Variants in GPC3 observed in about 807,000 individuals in gnomAD.
GPC3 encodes glypican-3.
Under a neutral mutation model 34.4 loss-of-function variants are expected in GPC3, and 3 were observed. That is an observed-to-expected ratio of 0.09 (90% confidence interval 0.04 to 0.23). The LOEUF (loss-of-function observed/expected upper bound fraction) is 0.23, where lower values mean the gene tolerates loss of function less well. GPC3 is among the 10% of genes least tolerant of loss of function. The pLI, the probability that GPC3 is intolerant of heterozygous loss-of-function variation, is 1.00. For synonymous variants in GPC3, 177 were observed against 174.0 expected (o/e 1.02, Z -0.13); for missense variants, 351 against 445.6 (o/e 0.79, Z 1.91).
chrX:133,875,095 C>T (rs2076009703), intron 2 of GPC3, among the ~76,000 whole-genome samples: 1 of 111,887 alleles, frequency 8.9e-6, no homozygotes, highest in Non-Finnish European at 1.9e-5. Context: ...GAAATGCACA[C>T]TACATCATTT....
At chrX:133,863,687 C>T (rs1461176241) in intron 2 of GPC3, among the ~76,000 whole-genome samples, 7 of 77,865 alleles carry the variant, frequency 9.0e-5, no homozygotes, top group African/African-American at 4.8e-4. Flanking sequence ...CTCGCTCTGT[C>T]GCCCAGGTCG....
intron 2 of GPC3, among the ~76,000 whole-genome samples, chrX:133,791,000 T>G (rs1366845033): frequency 9.0e-6 from 1 of 111,711 alleles, no homozygotes; most frequent in Non-Finnish European, 1.9e-5. Flanking sequence ...TGGTCTACCA[T>G]GTGGATGAGG....
In GPC3 at chrX:133,875,977, T is replaced by C. The variant is rs181840420; in HGVS notation, c.337+77073A>G. ...TATAAGTGCCTTGATTAAAAAAAAT[T>C]GTCATTTCCTGAAACACTGAAAAAC... On this transcript the variant is annotated intron_variant, in intron 2 of 7. Transcript: ENST00000370818. Among the ~76,000 whole-genome samples the C allele has an allele frequency of 4.0e-3, 452 of 111,750 alleles. 5 individuals carry two copies. The highest frequency in any genetic ancestry group is 4.0e-3 in the Non-Finnish European group (212 of 53,120).
At chrX:133,745,073 A>T (rs1416267088) in intron 3 of GPC3, among the ~76,000 whole-genome samples, 1 of 111,440 alleles carries the variant, frequency 9.0e-6, no homozygotes, top group Non-Finnish European at 1.9e-5. Flanking sequence ...TAACAGGTTG[A>T]TGGGTGCAGC....
At chrX:133,692,092 G>A (rs977691542) in intron 5 of GPC3, among the ~76,000 whole-genome samples, 3 of 112,340 alleles carry the variant, frequency 2.7e-5, no homozygotes, top group Non-Finnish European at 5.6e-5. Flanking sequence ...GGGACTACAG[G>A]CTTGCGCCAT....
chrX:133,688,998 T>C (rs1439192728), intron 5 of GPC3, among the ~76,000 whole-genome samples: 2 of 110,848 alleles, frequency 1.8e-5, no homozygotes, highest in Non-Finnish European at 3.8e-5. Context: ...AGGTCAGTAA[T>C]ACAAGTACAA....
intron 3 of GPC3, among the ~76,000 whole-genome samples, chrX:133,738,027 G>A (rs887962938): frequency 9.0e-6 from 1 of 111,588 alleles, no homozygotes; most frequent in African/African-American, 3.3e-5. Context: ...ACAGTGGTGT[G>A]ATCACAATTC....
chrX:133,692,748 T>G (rs2071076903), intron 4 of GPC3, among the ~76,000 whole-genome samples: 4 of 112,347 alleles, frequency 3.6e-5, no homozygotes, highest in African/African-American at 1.3e-4. Context: ...CCAACATTCA[T>G]TTTCTAAGAC....
chrX:133,855,549 A>ATATATAT (rs1569445704), intron 2 of GPC3, among the ~76,000 whole-genome samples: 1 of 105,918 alleles, frequency 9.4e-6, no homozygotes, highest in Non-Finnish European at 1.9e-5. Flanking sequence ...ATATATATAT[A>ATATATAT]GTAAAATGGT....
intron 2 of GPC3, among the ~76,000 whole-genome samples, chrX:133,880,964 CAA>C: frequency 8.9e-6 from 1 of 111,896 alleles, no homozygotes; most frequent in South Asian, 3.8e-4. Context: ...AAAAACCCAG[CAA>C]AGTTACTTGT....
intron 7 of GPC3, among the ~76,000 whole-genome samples, chrX:133,576,839 G>A (rs985401023): frequency 2.7e-5 from 3 of 109,615 alleles, no homozygotes; most frequent in South Asian, 4.0e-4. Context: ...GTATTGGCAG[G>A]CTTCAGGACA....
chrX:133,713,546 T>G (rs1265898217), intron 3 of GPC3, among the ~76,000 whole-genome samples: 1 of 112,531 alleles, frequency 8.9e-6, no homozygotes, highest in East Asian at 2.8e-4. Flanking sequence ...TACTAAAGTA[T>G]GATGGTCATC....
intron 3 of GPC3, among the ~76,000 whole-genome samples, chrX:133,721,056 A>T (rs967231540): frequency 2.7e-5 from 3 of 109,717 alleles, no homozygotes; most frequent in Admixed American, 9.8e-5. Flanking sequence ...TTAAAAAATA[A>T]TGAGAAGGGA....
At chrX:133,785,512 C>G (rs1454185697) in intron 2 of GPC3, among the ~76,000 whole-genome samples, 3 of 111,609 alleles carry the variant, frequency 2.7e-5, no homozygotes, top group Non-Finnish European at 5.6e-5. Context: ...CAGACAGGTA[C>G]CAATATAAAT....
intron 7 of GPC3, among the ~76,000 whole-genome samples, chrX:133,592,122 C>A (rs771959370): frequency 9.0e-6 from 1 of 111,231 alleles, no homozygotes; most frequent in Non-Finnish European, 1.9e-5. Flanking sequence ...CCTCCTCCTG[C>A]ATAATTTTCT....
intron 2 of GPC3, among the ~76,000 whole-genome samples, chrX:133,816,546 A>G (rs985313819): frequency 2.7e-4 from 30 of 111,952 alleles, no homozygotes; most frequent in Middle Eastern, 4.2e-3. Flanking sequence ...GTGCTGTTCA[A>G]ATTACATGTA....
chrX:133,790,998 C>T (rs72615418), intron 2 of GPC3, among the ~76,000 whole-genome samples: 5,356 of 111,441 alleles, frequency 0.048, 185 homozygotes, highest in East Asian at 0.25. Flanking sequence ...ACTGGTCTAC[C>T]ATGTGGATGA....
chrX:133,754,011 T>C lies in GPC3; in HGVS notation c.503A>G (p.Asn168Ser). The C allele has an allele frequency of 1.7e-6, 2 of 1,211,143 alleles. No homozygotes were observed. The highest frequency in any genetic ancestry group is 3.0e-5 in the East Asian group (1 of 33,840). The change falls in exon 3 of 8, where the codon AAT becomes AGT. Residue 168 changes from asparagine to serine, a missense_variant. Physicochemically the swap from Asn to Ser is conservative, Grantham distance 46 (BLOSUM62 1). Coordinates refer to ENST00000370818, the MANE Select transcript of GPC3 (RefSeq NM_004484.4). ...GSDINVDDMV[N>S]ELFDSLFPVI... is the part of the protein sequence containing the mutation. ...TGGAAACAGGCTGTCAAACAATTCA[T>C]TGACCATGTCATCTACATTGATGTC...
At chrX:133,809,852 T>G (rs1473997555) in intron 2 of GPC3, among the ~76,000 whole-genome samples, 1 of 111,583 alleles carries the variant, frequency 9.0e-6, no homozygotes, top group Non-Finnish European at 1.9e-5. Flanking sequence ...TCATCTCTAC[T>G]ACTGGTAATA....
Sources: allele counts gnomAD v4.1 joint callset (sites outside exome capture counted in the v4.1 genomes callset), GRCh38; gene constraint gnomAD v4.1.1; transcripts MANE v1.5; gene names NCBI Gene and HGNC (gene_info 2026-07-23, HGNC 2026-07-21).